The following FZR1 variants were observed in gnomAD, a reference collection of about 807,000 sequenced individuals.
FZR1 encodes fizzy-related protein homolog.
In FZR1, 11 loss-of-function variants were observed where a neutral mutation model predicts 63.6. The observed-to-expected ratio is 0.17, with a 90% CI of 0.11 to 0.29. FZR1 has a LOEUF of 0.29. Ranked by LOEUF, FZR1 falls within the 10% of genes least tolerant of loss-of-function variation. FZR1 has a pLI of 1.00. For missense variants in FZR1, 440 were observed against 687.5 expected (o/e 0.64, Z 4.03); for synonymous variants, 328 against 297.9 (o/e 1.10, Z -1.04).
chr19:3,512,676 G>T (rs1460824407), intron 1 of FZR1, among the ~76,000 whole-genome samples: 1 of 152,242 alleles, frequency 6.6e-6, no homozygotes, highest in Non-Finnish European at 1.5e-5. Context: ...TGGTGCTGGT[G>T]GGGGGCTCAC....
rs528264324 is a variant in FZR1, at chr19:3,534,929, C to T, written c.*93C>T. On this transcript the variant is annotated 3_prime_UTR_variant, in exon 14 of 14. Transcript: ENST00000441788. ...TGGACTCTGCCTTCCCAGCGCTTGT[C>T]CCCCGAGGAAGGCGGCTGGGCGGGC... 2.4e-5 allele frequency: 26 copies of T among 1,063,012 alleles called. No individual in the cohort carries two copies. The East Asian group carries it at 5.0e-4, about 21-fold the overall frequency. The allele number at this position is 1,063,012 out of a possible 1,614,324, so 65.8% of individuals were successfully genotyped here.
chr19:3,523,133 G>A (rs2083119399), intron 2 of FZR1, 75 bp downstream of exon 2: 2 of 918,528 alleles, frequency 2.2e-6, no homozygotes, highest in East Asian at 2.4e-5. Flanking sequence ...GCAGCCTCAG[G>A]TGTCCCCACT....
In FZR1 at chr19:3,515,601, T is replaced by C. The variant is rs2083053144; in HGVS notation, c.-34-7355T>C. ...GGCTAATACTGTGAAACCCCGTCTC[T>C]ACTAAAAATACAAAAAATTAGGCAC... is the stretch of plus-strand genomic sequence containing the variant. On this transcript the variant is annotated intron_variant, in intron 1 of 13. Transcript: ENST00000441788. This position sits in a 1 kb window ranked among gnomAD's most constrained non-coding sequence, Gnocchi z 4.6. 3.3e-5 allele frequency among the ~76,000 whole-genome samples: 5 copies of C among 151,912 alleles called. No homozygotes were observed. In the South Asian group the frequency reaches 1.0e-3, roughly 32 times the overall value.
rs554518294 is a variant in FZR1, at chr19:3,530,599, T to G, written c.655-193T>G. On this transcript the variant is annotated intron_variant, in intron 7 of 13. Transcript: ENST00000441788. ...GGATGGGAAAGCGGATGAGAGTGGT[T>G]GAGGGAGTGGATGGGAGAGCAGATG... Among the ~76,000 whole-genome samples the G allele has an allele frequency of 1.4e-3, 217 of 149,698 alleles. 2 individuals are homozygous for G. Among genetic ancestry groups the G allele is most frequent in the Non-Finnish European group, 2.4e-3 (159 of 67,034 alleles).
chr19:3,532,116 G>C, intron 10 of FZR1, 21 bp downstream of exon 10: 1 of 1,484,952 alleles, frequency 6.7e-7, no homozygotes, highest in Non-Finnish European at 8.9e-7. Flanking sequence ...CCAGAGCCTG[G>C]GCTTCCCCTT....
In FZR1 at chr19:3,537,790, G is replaced by GT. The variant is rs1157260423; in HGVS notation, c.*2955dup. 6.6e-6 allele frequency: 1 copy of GT among 152,638 alleles called. No homozygotes were observed. The highest frequency in any genetic ancestry group is 1.5e-5 in the Non-Finnish European group (1 of 68,364). The allele number at this position is 152,638 out of a possible 1,614,324, so 9.5% of individuals were successfully genotyped here. A position where few individuals can be genotyped will look rare whatever the true frequency, so the allele number is the denominator to read the frequency against. The stretch of plus-strand genomic sequence containing the variant: ...ATGAAACCGAGCAGACCTGGCCCAT[G>GT]TGGAGCTGGCATGGGGGACACAGCC... On this transcript the variant is annotated 3_prime_UTR_variant, in exon 14 of 14. Transcript: ENST00000441788.
Position 3,534,900 on chromosome 19 carries a change from T to TGCATGGAC in FZR1, c.*65_*72dup. 7.6e-7 allele frequency: 1 copy of TGCATGGAC among 1,312,502 alleles called. No homozygotes were observed. The highest frequency in any genetic ancestry group is 1.1e-6 in the Non-Finnish European group (1 of 910,424). The allele number at this position is 1,312,502 out of a possible 1,614,324, so 81.3% of individuals were successfully genotyped here. A position where few individuals can be genotyped will look rare whatever the true frequency, so the allele number is the denominator to read the frequency against. ...GTCGGAGGACCCCAGCTCCTCAGCT[T>TGCATGGAC]GCATGGACTCTGCCTTCCCAGCGCT... On this transcript the variant is annotated 3_prime_UTR_variant, in exon 14 of 14. Coordinates refer to ENST00000441788, the MANE Select transcript of FZR1 (RefSeq NM_016263.4).
chr19:3,531,401 G>C (rs1382881120), intron 8 of FZR1, among the ~76,000 whole-genome samples: 1 of 152,232 alleles, frequency 6.6e-6, no homozygotes, highest in African/African-American at 2.4e-5. Flanking sequence ...TCCTGGGCCT[G>C]TGTGGAACCT....
rs745412748 is a variant in FZR1 at position 3,533,280 on chromosome 19, C to A, written c.1243-14C>A. 1.2e-5 allele frequency: 18 copies of A among 1,554,760 alleles called. No individual in the cohort carries two copies. Among genetic ancestry groups the A allele is most frequent in the Non-Finnish European group, 1.4e-5 (16 of 1,127,588 alleles). ...TTGCCCCTCACCGACCGCAGCGCCC[C>A]CTCCGCCCTCCAGGTGAGCACGCAC... is the stretch of plus-strand genomic sequence containing the variant. On this transcript the variant is annotated splice_polypyrimidine_tract_variant and intron_variant, in intron 11 of 13. Coordinates refer to ENST00000441788, the MANE Select transcript of FZR1 (RefSeq NM_016263.4). This position sits in a 1 kb window ranked among gnomAD's most constrained non-coding sequence, Gnocchi z 4.9.
intron 1 of FZR1, among the ~76,000 whole-genome samples, chr19:3,513,718 G>T (rs762682964): frequency 3.9e-5 from 6 of 152,166 alleles, no homozygotes; most frequent in Non-Finnish European, 5.9e-5. Context: ...GCTCTGGTCG[G>T]TGTTCCCTCC....
chr19:3,521,532 C>T (rs1240349273), intron 1 of FZR1, among the ~76,000 whole-genome samples: 7 of 151,770 alleles, frequency 4.6e-5, no homozygotes, highest in South Asian at 4.2e-4. Context: ...GACAGAGTCC[C>T]GCTCTGTCAC....
At chr19:3,522,330 T>G (rs1384296419) in intron 1 of FZR1, among the ~76,000 whole-genome samples, 2 of 152,196 alleles carry the variant, frequency 1.3e-5, no homozygotes, top group Non-Finnish European at 2.9e-5. Flanking sequence ...TCAACATAAA[T>G]GCCACCCCCT....
In FZR1 at chr19:3,516,536, G is replaced by C. The variant is rs959792511; in HGVS notation, c.-34-6420G>C. On this transcript the variant is annotated intron_variant, in intron 1 of 13. Transcript: ENST00000441788. The surrounding 1 kb of genome is among the most constrained non-coding windows in gnomAD (Gnocchi z 6.0). ...CGAGGGGCTTAGAGGGGTCGCTGGG[G>C]GTCCCGGAGCTGAGCTGAGCACCGC... Among the ~76,000 whole-genome samples, 1 of 152,190 alleles carries C rather than the reference G, an allele frequency of 6.6e-6. No individual in the cohort carries two copies. Among genetic ancestry groups the C allele is most frequent in the Non-Finnish European group, 1.5e-5 (1 of 68,034 alleles).
intron 2 of FZR1, among the ~76,000 whole-genome samples, chr19:3,523,311 C>T (rs1390286268): frequency 1.3e-5 from 2 of 152,222 alleles, no homozygotes; most frequent in Non-Finnish European, 2.9e-5. Flanking sequence ...CTGGGGCGGC[C>T]GCATGGGCAG....
At chr19:3,530,654 G>A (rs545022577) in intron 7 of FZR1, 138 bp from the exon 8 acceptor site, 3 of 660,926 alleles carry the variant, frequency 4.5e-6, no homozygotes, top group South Asian at 1.8e-5. Flanking sequence ...GGATGGGACT[G>A]TGGATGGGAG....
At chr19:3,521,581 A>G (rs943592038) in intron 1 of FZR1, among the ~76,000 whole-genome samples, 6 of 151,512 alleles carry the variant, frequency 4.0e-5, no homozygotes, top group African/African-American at 1.5e-4. Context: ...AGCTCACTGC[A>G]GCCTTCACCT....
At chr19:3,528,385 G>T (rs1460013164) in intron 7 of FZR1, among the ~76,000 whole-genome samples, 1 of 152,254 alleles carries the variant, frequency 6.6e-6, no homozygotes, top group African/African-American at 2.4e-5. Context: ...CCTATGAGCT[G>T]CTCCCGCTGG....
chr19:3,516,352 T>C lies in FZR1; in HGVS notation c.-34-6604T>C, dbSNP rs1168437155. On this transcript the variant is annotated intron_variant, in intron 1 of 13. Coordinates refer to ENST00000441788, the MANE Select transcript of FZR1 (RefSeq NM_016263.4). This position sits in a 1 kb window ranked among gnomAD's most constrained non-coding sequence, Gnocchi z 6.0. Reference sequence around the variant, plus strand: ...GTTGGTGTCCTTTGCTACTTTGGGCTCTCCTGTGGGTGGCAGGTGCTTCCC... The same window carrying C: ...GTTGGTGTCCTTTGCTACTTTGGGCCCTCCTGTGGGTGGCAGGTGCTTCCC... Among the ~76,000 whole-genome samples the C allele has an allele frequency of 6.6e-6, 1 of 152,198 alleles. No homozygotes were observed. The highest frequency in any genetic ancestry group is 2.4e-5 in the African/African-American group (1 of 41,448).
chr19:3,506,670 G>T (rs912108751), intron 1 of FZR1, among the ~76,000 whole-genome samples, 196 bp downstream of exon 1: 2 of 150,292 alleles, frequency 1.3e-5, no homozygotes, highest in Admixed American at 1.3e-4. Flanking sequence ...CGCGTCTCCC[G>T]AGTTAACACC....
Sources: allele counts gnomAD v4.1 joint callset (sites outside exome capture counted in the v4.1 genomes callset), GRCh38; gene constraint gnomAD v4.1.1; non-coding constraint Gnocchi (gnomAD v3.1); transcripts MANE v1.5; gene names NCBI Gene and HGNC (gene_info 2026-07-23, HGNC 2026-07-21).